Variants in SNX13 observed in about 807,000 individuals in gnomAD.
SNX13 encodes the protein sorting nexin 13.
A neutral mutation model predicts 133.6 loss-of-function variants in SNX13; 45 were observed. The ratio of observed to expected loss-of-function variants is 0.34; its 90% confidence interval spans 0.27 to 0.43. SNX13 has a LOEUF of 0.43. Among genes scored for constraint, SNX13 ranks in the 20% least tolerant of loss-of-function variants. The pLI is 1.00. For missense variants in SNX13, 1,032 were observed against 1,145.1 expected (o/e 0.90, Z 1.43); for synonymous variants, 414 against 373.9 (o/e 1.11, Z -1.24).
At chr7:17,869,242 G>C (rs1048441954) in intron 8 of SNX13, among the ~76,000 whole-genome samples, 1 of 151,928 alleles carries the variant, frequency 6.6e-6, no homozygotes, top group South Asian at 2.1e-4. Context: ...TTCTAATAGA[G>C]GCAACTATCT....
At chr7:17,847,962 G>C (rs866709335) in intron 11 of SNX13, among the ~76,000 whole-genome samples, 1 of 152,104 alleles carries the variant, frequency 6.6e-6, no homozygotes. Flanking sequence ...AGGCAGAAAA[G>C]GGTGGTCCCT....
intron 1 of SNX13, among the ~76,000 whole-genome samples, chr7:17,921,842 G>C (rs973873129): frequency 6.6e-6 from 1 of 152,192 alleles, no homozygotes; most frequent in African/African-American, 2.4e-5. Context: ...GAGAACCACC[G>C]ATGTATGCAC....
intron 20 of SNX13, among the ~76,000 whole-genome samples, chr7:17,805,248 T>TGCGCGCGC (rs1401213640): frequency 9.4e-4 from 84 of 89,356 alleles, no homozygotes; most frequent in Admixed American, 2.0e-3. Flanking sequence ...TGTGTGTGTG[T>TGCGCGCGC]GTGCGTGCGC....
chr7:17,834,643 C>A, intron 14 of SNX13, 118 bp downstream of exon 14: 1 of 554,680 alleles, frequency 1.8e-6, no homozygotes. Flanking sequence ...GTATAATTGC[C>A]ATAGTTTATC....
At chr7:17,810,595 C>G (rs1210392816) in intron 20 of SNX13, among the ~76,000 whole-genome samples, 2 of 152,206 alleles carry the variant, frequency 1.3e-5, no homozygotes, top group Admixed American at 1.3e-4. Flanking sequence ...GGTACCGTTC[C>G]TTCTGAAACT....
At chr7:17,939,443 A>G (rs923994601) in intron 1 of SNX13, among the ~76,000 whole-genome samples, 3 of 152,244 alleles carry the variant, frequency 2.0e-5, no homozygotes, top group Non-Finnish European at 4.4e-5. Context: ...TAACTGGGCT[A>G]ACCTGGGTCA....
At chr7:17,805,250 T>TGTGTGTGTGTGCGCGCGCGCGCGCGCGC in intron 20 of SNX13, among the ~76,000 whole-genome samples, 1 of 95,558 alleles carries the variant, frequency 1.0e-5, no homozygotes, top group Non-Finnish European at 2.5e-5. Context: ...TGTGTGTGTG[T>TGTGTGTGTGTGCGCGCGCGCGCGCGCGC]GCGTGCGCGC....
rs900814538 is a variant in SNX13 at position 17,873,617 on chromosome 7, C to A, written c.665-1G>T. The A allele has an allele frequency of 6.5e-7, 1 of 1,539,472 alleles. No individual in the cohort carries two copies. The highest frequency in any genetic ancestry group is 8.8e-7 in the Non-Finnish European group (1 of 1,140,634). ...ACCTCACACAAATCCCTTAGGAATC[C>A]TAAAAGTAGAAAAAGTAGCTATCAT... On this transcript the variant is annotated splice_acceptor_variant, in intron 7 of 25. Coordinates refer to ENST00000428135, the MANE Select transcript of SNX13 (RefSeq NM_015132.5). LOFTEE classifies it high-confidence loss of function.
intron 9 of SNX13, among the ~76,000 whole-genome samples, chr7:17,857,002 A>AAACATTACG (rs1791988845): frequency 2.0e-5 from 3 of 152,004 alleles, no homozygotes; most frequent in African/African-American, 7.2e-5. Context: ...TTTACGCTAG[A>AAACATTACG]CTAAGAAAAA....
chr7:17,807,460 C>A (rs1188922588), intron 20 of SNX13, among the ~76,000 whole-genome samples: 7 of 152,236 alleles, frequency 4.6e-5, no homozygotes, highest in Non-Finnish European at 1.0e-4. Flanking sequence ...AGGCAGCAAC[C>A]CCAGACAGGG....
chr7:17,832,339 A>G, intron 15 of SNX13: 6 of 984,604 alleles, frequency 6.1e-6, no homozygotes, highest in Non-Finnish European at 7.2e-6. Flanking sequence ...GACTGGAAGC[A>G]TTCTTAAGTT....
At chr7:17,894,097 G>T (rs1796944007) in intron 2 of SNX13, among the ~76,000 whole-genome samples, 1 of 151,714 alleles carries the variant, frequency 6.6e-6, no homozygotes, top group African/African-American at 2.4e-5. Context: ...GAGGTCAGGA[G>T]ATCGAGACCA....
chr7:17,925,144 G>A (rs1800598271), intron 1 of SNX13, among the ~76,000 whole-genome samples: 1 of 152,170 alleles, frequency 6.6e-6, no homozygotes, highest in Non-Finnish European at 1.5e-5. Flanking sequence ...AACCTGGGAG[G>A]CAGAGGTTTC....
intron 24 of SNX13, among the ~76,000 whole-genome samples, chr7:17,798,203 T>C (rs1345575867): frequency 6.6e-6 from 1 of 151,924 alleles, no homozygotes; most frequent in Non-Finnish European, 1.5e-5. Flanking sequence ...AGGCGCTCAG[T>C]ATTTTTTGTA....
intron 25 of SNX13, chr7:17,796,084 A>G (rs1784022123): frequency 6.6e-6 from 1 of 151,850 alleles, no homozygotes; most frequent in Non-Finnish European, 1.5e-5. Flanking sequence ...AAAGACATGC[A>G]GGCATTTTCA....
chr7:17,833,559 T>G (rs927088562), intron 15 of SNX13, among the ~76,000 whole-genome samples: 1 of 151,664 alleles, frequency 6.6e-6, no homozygotes, highest in South Asian at 2.1e-4. Context: ...AAACTGAAGG[T>G]TGGGATAAAT....
intron 9 of SNX13, among the ~76,000 whole-genome samples, chr7:17,862,649 T>C (rs1792853872): frequency 6.6e-6 from 1 of 152,236 alleles, no homozygotes; most frequent in African/African-American, 2.4e-5. Context: ...AATGGTTACA[T>C]AGTATTCAAT....
intron 9 of SNX13, among the ~76,000 whole-genome samples, chr7:17,852,756 G>A (rs1048216816): frequency 3.9e-5 from 6 of 152,166 alleles, no homozygotes; most frequent in Non-Finnish European, 1.5e-5. Context: ...TGATGGTACA[G>A]AAAGAAAGTG....
intron 5 of SNX13, among the ~76,000 whole-genome samples, chr7:17,885,279 T>C (rs1229041812): frequency 8.0e-6 from 1 of 124,592 alleles, no homozygotes; most frequent in Non-Finnish European, 1.6e-5. Context: ...ATGCTCAGAA[T>C]AGGCAAATCC....
Sources: allele counts gnomAD v4.1 joint callset (sites outside exome capture counted in the v4.1 genomes callset), GRCh38; gene constraint gnomAD v4.1.1; transcripts MANE v1.5; gene names NCBI Gene and HGNC (gene_info 2026-07-23, HGNC 2026-07-21).